The following LPP variants were observed in gnomAD, a reference collection of about 807,000 sequenced individuals.
The protein encoded by LPP is lipoma-preferred partner.
In LPP, 38 loss-of-function variants were observed where a neutral mutation model predicts 60.4. That is an observed-to-expected ratio of 0.63 (90% CI 0.49 to 0.83). The LOEUF is 0.83. Among genes scored for constraint, LPP ranks in the 40% least tolerant of loss-of-function variants. The pLI is 0.00. For missense variants in LPP, 902 were observed against 783.6 expected (o/e 1.15, Z -1.80); for synonymous variants, 328 against 290.8 (o/e 1.13, Z -1.30).
chr3:188,602,540 C>A (rs1190190803), intron 6 of LPP, among the ~76,000 whole-genome samples: 3 of 151,582 alleles, frequency 2.0e-5, no homozygotes, highest in African/African-American at 7.3e-5. Flanking sequence ...GATATGAATC[C>A]CTAATAATGA....
chr3:188,354,164 A>AAC (rs887635430), intron 3 of LPP, among the ~76,000 whole-genome samples: 2 of 152,098 alleles, frequency 1.3e-5, no homozygotes, highest in Non-Finnish European at 2.9e-5. Flanking sequence ...TGAAAAGAAA[A>AAC]ACACACACAC....
In LPP at chr3:188,872,624, A is replaced by T; in HGVS notation, c.1590-19A>T. The T allele has an allele frequency of 6.2e-7, 1 of 1,613,632 alleles. No homozygotes were observed. Among genetic ancestry groups the T allele is most frequent in the East Asian group, 2.2e-5 (1 of 44,844 alleles). The stretch of plus-strand genomic sequence containing the variant: ...TGTCGACGCGCAGTATCTAACCAGA[A>T]CTCTCTCTTCACTTTCAGGAAATTT... On this transcript the variant is annotated intron_variant, in intron 10 of 11. Coordinates refer to ENST00000617246, the MANE Select transcript of LPP (RefSeq NM_001375462.1).
chr3:188,502,580 G>T (rs1215724986), intron 5 of LPP, among the ~76,000 whole-genome samples: 1 of 152,066 alleles, frequency 6.6e-6, no homozygotes, highest in Non-Finnish European at 1.5e-5. Context: ...TTTGACCAGA[G>T]AATTTAATTC....
chr3:188,432,083 A>T (rs572476164), intron 4 of LPP, among the ~76,000 whole-genome samples: 10 of 152,240 alleles, frequency 6.6e-5, no homozygotes, highest in African/African-American at 2.2e-4. Flanking sequence ...GGTATCTGGT[A>T]TGTCATCTTC....
intron 7 of LPP, among the ~76,000 whole-genome samples, chr3:188,705,441 A>G (rs930562814): frequency 7.9e-5 from 12 of 152,144 alleles, no homozygotes; most frequent in African/African-American, 2.9e-4. Flanking sequence ...CCTGTGACCA[A>G]CCTTCGTCAT....
chr3:188,643,956 G>A (rs919210414), intron 7 of LPP, among the ~76,000 whole-genome samples: 2 of 152,086 alleles, frequency 1.3e-5, no homozygotes, highest in Non-Finnish European at 2.9e-5. Flanking sequence ...AATTTTAGAG[G>A]AATTTTCATG....
At chr3:188,744,351 C>T (rs1725420339) in intron 8 of LPP, among the ~76,000 whole-genome samples, 1 of 152,136 alleles carries the variant, frequency 6.6e-6, no homozygotes, top group Non-Finnish European at 1.5e-5. Context: ...TCATTTTCTC[C>T]ACATCCAATG....
intron 8 of LPP, among the ~76,000 whole-genome samples, chr3:188,753,870 T>C (rs933982692): frequency 6.6e-6 from 1 of 152,186 alleles, no homozygotes; most frequent in Admixed American, 6.5e-5. Flanking sequence ...CACGTACCTG[T>C]TGAACCTTCA....
chr3:188,691,908 A>G (rs1261183213), intron 7 of LPP, among the ~76,000 whole-genome samples: 3 of 152,198 alleles, frequency 2.0e-5, no homozygotes, highest in East Asian at 1.9e-4. Flanking sequence ...AAACGTAAGT[A>G]CTTAAGGAGT....
chr3:188,239,637 ACTTGGGGCC>A (rs1245992612), intron 2 of LPP, among the ~76,000 whole-genome samples: 4 of 152,066 alleles, frequency 2.6e-5, no homozygotes, highest in Non-Finnish European at 5.9e-5. Context: ...TAGTTTCTGA[ACTTGGGGCC>A]CATTGTTCAA....
chr3:188,602,667 CT>C (rs377405116), intron 6 of LPP, among the ~76,000 whole-genome samples: 1 of 146,418 alleles, frequency 6.8e-6, no homozygotes, highest in Non-Finnish European at 1.5e-5. Flanking sequence ...CAGTGAAGCT[CT>C]TTTTTTTTCT....
At chr3:188,358,077 C>G (rs1768132090) in intron 3 of LPP, among the ~76,000 whole-genome samples, 1 of 152,196 alleles carries the variant, frequency 6.6e-6, no homozygotes, top group Non-Finnish European at 1.5e-5. Flanking sequence ...GGGACTTGTA[C>G]TAAATGCTTA....
chr3:188,640,196 T>G (rs1288995878), intron 7 of LPP, among the ~76,000 whole-genome samples: 2 of 151,000 alleles, frequency 1.3e-5, no homozygotes, highest in Admixed American at 1.3e-4. Context: ...CCATAAAAAA[T>G]GATGAGTTCA....
intron 2 of LPP, among the ~76,000 whole-genome samples, chr3:188,266,131 T>C (rs1335065956): frequency 1.3e-5 from 2 of 151,852 alleles, no homozygotes; most frequent in African/African-American, 4.8e-5. Context: ...CATCCTTTTT[T>C]CCCCTCCCTT....
rs762322554 is a variant in LPP at position 188,609,438 on chromosome 3, C to G, written c.707C>G (p.Ala236Gly). The G allele has an allele frequency of 3.1e-6, 5 of 1,614,190 alleles. No homozygotes were observed. In the Middle Eastern group the frequency reaches 5.0e-4, roughly 160 times the overall value. Residue 236 changes from alanine to glycine, a missense_variant, in exon 7 of 12, where the codon GCT becomes GGT. Physicochemically the swap from Ala to Gly is moderately conservative, Grantham distance 60. Transcript: ENST00000617246. The surrounding 1 kb of genome is among the most constrained non-coding windows in gnomAD (Gnocchi z 6.9). ...GCCCAGCCCAGCCCTCATTATATGG[C>G]TGCCCCTTCATCAGGACAAATTTAT... Reference protein sequence around the residue: ...KSAQPSPHYMAAPSSGQIYGS... With the variant: ...KSAQPSPHYMGAPSSGQIYGS...
chr3:188,452,337 G>A (rs1335957778), intron 4 of LPP, among the ~76,000 whole-genome samples: 1 of 151,986 alleles, frequency 6.6e-6, no homozygotes, highest in African/African-American at 2.4e-5. Context: ...ATAGCGTGTG[G>A]GCTCTGAGCA....
intron 7 of LPP, among the ~76,000 whole-genome samples, chr3:188,671,600 C>A (rs1347504788): frequency 6.6e-6 from 1 of 152,124 alleles, no homozygotes; most frequent in Non-Finnish European, 1.5e-5. Flanking sequence ...TCCATGGCCC[C>A]CTTTGCCCAG....
intron 4 of LPP, among the ~76,000 whole-genome samples, chr3:188,458,507 T>C (rs1236798767): frequency 6.6e-6 from 1 of 152,218 alleles, no homozygotes; most frequent in Non-Finnish European, 1.5e-5. Flanking sequence ...TGGAAATGTT[T>C]AAACATATAC....
chr3:188,633,760 T>A (rs2148579342), intron 7 of LPP, among the ~76,000 whole-genome samples: 1 of 152,370 alleles, frequency 6.6e-6, no homozygotes, highest in East Asian at 1.9e-4. Flanking sequence ...ATCATCTATA[T>A]ATCATTCATA....
Sources: gnomAD v4.1 joint callset for allele counts (sites outside exome capture counted in the v4.1 genomes callset) on GRCh38, gnomAD v4.1.1 for gene constraint, Gnocchi (gnomAD v3.1) non-coding constraint, MANE v1.5 for transcripts, NCBI Gene and HGNC (gene_info 2026-07-23, HGNC 2026-07-21) for gene names.